Variants in CALCR observed in about 807,000 individuals in gnomAD.
CALCR encodes calcitonin receptor.
CALCR carries 47 observed loss-of-function variants against 59.5 expected under a neutral mutation model. The ratio of observed to expected loss-of-function variants is 0.79; its 90% confidence interval spans 0.63 to 1.01. The LOEUF (loss-of-function observed/expected upper bound fraction) is 1.01, where lower values mean the gene tolerates loss of function less well. Ranked by LOEUF, CALCR falls within the 50% of genes least tolerant of loss-of-function variation. The pLI is 0.00. For missense variants in CALCR, 566 were observed against 597.1 expected (o/e 0.95, Z 0.54); for synonymous variants, 213 against 211.3 (o/e 1.01, Z -0.07).
chr7:93,443,107 G>C (rs762352292), intron 9 of CALCR, among the ~76,000 whole-genome samples: 5 of 152,054 alleles, frequency 3.3e-5, no homozygotes, highest in Non-Finnish European at 7.4e-5. Flanking sequence ...AAGCCCGTGT[G>C]GTTATATCTG....
intron 2 of CALCR, among the ~76,000 whole-genome samples, chr7:93,489,923 T>C (rs1175933814): frequency 2.0e-5 from 3 of 151,954 alleles, no homozygotes; most frequent in African/African-American, 7.2e-5. Flanking sequence ...GCCAGCATCA[T>C]CCTGATACCA....
At chr7:93,431,893 A>G (rs1185018157) in intron 13 of CALCR, among the ~76,000 whole-genome samples, 3 of 152,172 alleles carry the variant, frequency 2.0e-5, no homozygotes, top group Non-Finnish European at 4.4e-5. Flanking sequence ...TTGGAAACAA[A>G]TTGTGCATTT....
chr7:93,537,744 A>G (rs1213357569), intron 2 of CALCR, among the ~76,000 whole-genome samples: 1 of 151,240 alleles, frequency 6.6e-6, no homozygotes, highest in Non-Finnish European at 1.5e-5. Context: ...ATACATACAT[A>G]CATATATATA....
chr7:93,497,943 G>C (rs1801244533), intron 2 of CALCR, among the ~76,000 whole-genome samples: 1 of 151,454 alleles, frequency 6.6e-6, no homozygotes, highest in African/African-American at 2.4e-5. Context: ...AGCTATTAAG[G>C]GGAAATGGCT....
intron 2 of CALCR, among the ~76,000 whole-genome samples, chr7:93,542,988 A>G (rs1424945188): frequency 1.3e-5 from 2 of 152,010 alleles, no homozygotes; most frequent in East Asian, 3.9e-4. Context: ...AAGTAGAAGG[A>G]GTACATTCTA....
At chr7:93,484,063 G>C (rs772516268) in intron 3 of CALCR, 1 of 484,806 alleles carries the variant, frequency 2.1e-6, no homozygotes, top group Admixed American at 2.0e-5. Flanking sequence ...GTTTTTTTCA[G>C]TCGACAAATA....
In CALCR at chr7:93,522,634, T is replaced by G. The variant is rs560029360; in HGVS notation, c.-26-35627A>C. 4.6e-5 allele frequency among the ~76,000 whole-genome samples: 7 copies of G among 152,312 alleles called. No homozygotes were observed. The South Asian group carries it at 6.2e-4, about 14-fold the overall frequency. Reference sequence around the variant, plus strand: ...CAATTTCCTTCAAATCTTCCCATTTTGAATCTAAGTGAGTCAAAAAGAGCT... The same window carrying G: ...CAATTTCCTTCAAATCTTCCCATTTGGAATCTAAGTGAGTCAAAAAGAGCT... On this transcript the variant is annotated intron_variant, in intron 2 of 13. Coordinates refer to ENST00000426151, the MANE Select transcript of CALCR (RefSeq NM_001742.4).
At chr7:93,537,359 C>T (rs980122674) in intron 2 of CALCR, among the ~76,000 whole-genome samples, 1 of 151,792 alleles carries the variant, frequency 6.6e-6, no homozygotes, top group South Asian at 2.1e-4. Context: ...TGCTAGGTTA[C>T]CCCATGGAAC....
chr7:93,570,861 C>T (rs1304246363), intron 2 of CALCR, among the ~76,000 whole-genome samples: 3 of 152,150 alleles, frequency 2.0e-5, no homozygotes, highest in Admixed American at 6.5e-5. Context: ...AAACTACATT[C>T]TAATCAGACA....
intron 2 of CALCR, among the ~76,000 whole-genome samples, chr7:93,528,706 T>A (rs1353573579): frequency 6.6e-6 from 1 of 152,214 alleles, no homozygotes; most frequent in Non-Finnish European, 1.5e-5. Flanking sequence ...TTATTCATCA[T>A]GTAGCCTTTA....
intron 2 of CALCR, among the ~76,000 whole-genome samples, chr7:93,543,105 T>C (rs1450106898): frequency 1.3e-5 from 2 of 152,190 alleles, no homozygotes; most frequent in African/African-American, 4.8e-5. Flanking sequence ...ATTTTTTGTT[T>C]GGTTTTTGTT....
intron 8 of CALCR, 151 bp from the exon 9 acceptor site, chr7:93,443,908 C>T (rs1282999937): frequency 6.3e-6 from 4 of 638,976 alleles, no homozygotes; most frequent in Non-Finnish European, 8.2e-6. Context: ...CCTGCTATAC[C>T]CACAAATCAG....
intron 3 of CALCR, chr7:93,482,853 GAAA>G (rs758267279): frequency 3.8e-6 from 2 of 533,174 alleles, no homozygotes; most frequent in African/African-American, 3.9e-5. Flanking sequence ...CTGAAGGAAT[GAAA>G]AATTAGAACC....
At chr7:93,479,797 T>TTA (rs1800754483) in intron 3 of CALCR, among the ~76,000 whole-genome samples, 1 of 151,892 alleles carries the variant, frequency 6.6e-6, no homozygotes, top group Admixed American at 6.6e-5. Context: ...TTTAACTGTA[T>TTA]TATGATTCTA....
At position 93,426,604 on chromosome 7, in the gene CALCR, G is replaced by A; in HGVS notation, c.1192-15C>T. The A allele has an allele frequency of 7.2e-7, 1 of 1,395,336 alleles. No homozygotes were observed. Among genetic ancestry groups the A allele is most frequent in the Non-Finnish European group, 1.0e-6 (1 of 996,748 alleles). 86.4% of individuals were successfully genotyped at this position (1,395,336 alleles called of 1,614,324 possible). A position where few individuals can be genotyped will look rare whatever the true frequency, so the allele number is the denominator to read the frequency against. The stretch of plus-strand genomic sequence containing the variant: ...GTGGTTTGGACCTGGAAGAGAAAAA[G>A]GAGCCTTGTTTTTATATGATAGTCA... On this transcript the variant is annotated splice_polypyrimidine_tract_variant and intron_variant, in intron 13 of 13. Transcript: ENST00000426151.
Position 93,524,222 on chromosome 7 carries a change from T to G in CALCR, c.-26-37215A>C, listed in dbSNP as rs183776835. Among the ~76,000 whole-genome samples, 38 of 150,536 alleles carry G rather than the reference T, an allele frequency of 2.5e-4. No individual in the cohort carries two copies. In the East Asian group the frequency reaches 7.2e-3, roughly 29 times the overall value. ...TTTCGCTCTGTTGCCCAGGCTGGAG[T>G]GCAGTGGCATGATCTCAGCTCACTG... On this transcript the variant is annotated intron_variant, in intron 2 of 13. Transcript: ENST00000426151.
At chr7:93,472,604 G>C (rs1800577705) in intron 5 of CALCR, 117 bp from the exon 6 acceptor site, 2 of 649,518 alleles carry the variant, frequency 3.1e-6, no homozygotes, top group South Asian at 3.7e-5. Flanking sequence ...GAACTTGAAT[G>C]TGAGTATGTC....
At chr7:93,566,478 C>T (rs1169465418) in intron 2 of CALCR, among the ~76,000 whole-genome samples, 1 of 152,132 alleles carries the variant, frequency 6.6e-6, no homozygotes, top group Non-Finnish European at 1.5e-5. Context: ...TACTTACAGG[C>T]TCTGATCATC....
At chr7:93,465,354 A>AT (rs1800417954) in intron 7 of CALCR, among the ~76,000 whole-genome samples, 1 of 151,970 alleles carries the variant, frequency 6.6e-6, no homozygotes, top group Admixed American at 6.6e-5. Flanking sequence ...GGGTATCTTC[A>AT]TTTTAGCTCT....
Sources: gnomAD v4.1 joint callset for allele counts (sites outside exome capture counted in the v4.1 genomes callset) on GRCh38, gnomAD v4.1.1 for gene constraint, MANE v1.5 for transcripts, NCBI Gene and HGNC (gene_info 2026-07-23, HGNC 2026-07-21) for gene names.